Variants in CNTN6 observed in about 807,000 individuals in gnomAD.
CNTN6 encodes contactin-6.
Under a neutral mutation model 122.8 loss-of-function variants are expected in CNTN6, and 137 were observed. That is an observed-to-expected ratio of 1.12 (90% CI 0.97 to 1.29). The LOEUF (loss-of-function observed/expected upper bound fraction) is 1.29. Ranked by LOEUF, CNTN6 falls within the 50% of genes most tolerant of loss-of-function variation. The pLI, the probability that CNTN6 is intolerant of heterozygous loss-of-function variation, is 0.00. For missense variants in CNTN6, 1,634 were observed against 1,223.4 expected (o/e 1.34, Z -5.01); for synonymous variants, 570 against 426.0 (o/e 1.34, Z -4.16).
At chr3:1,201,563 A>T (rs2093873318) in intron 2 of CNTN6, among the ~76,000 whole-genome samples, 1 of 152,194 alleles carries the variant, frequency 6.6e-6, no homozygotes. Context: ...ATTCGATTAG[A>T]TAAAATTAGC....
chr3:1,319,456 G>C lies in CNTN6; in HGVS notation c.762-2194G>C, dbSNP rs535125446. Reference sequence around the variant, plus strand: ...CTGCATAATATATGCATATAAGGTAGCTATTTGTTGTAATATTATTACAAT... The same window carrying C: ...CTGCATAATATATGCATATAAGGTACCTATTTGTTGTAATATTATTACAAT... On this transcript the variant is annotated intron_variant, in intron 7 of 22. Coordinates refer to ENST00000446702, the MANE Select transcript of CNTN6 (RefSeq NM_001289080.2). Among the ~76,000 whole-genome samples the C allele has an allele frequency of 8.8e-4, 133 of 151,632 alleles. 1 individual carries two copies. Among genetic ancestry groups the C allele is most frequent in the African/African-American group, 3.1e-3 (127 of 41,434 alleles).
At chr3:1,121,196 T>G (rs2091935797) in intron 1 of CNTN6, among the ~76,000 whole-genome samples, 1 of 151,948 alleles carries the variant, frequency 6.6e-6, no homozygotes. Flanking sequence ...TGTAAATATT[T>G]CTTGAGAGGT....
chr3:1,395,267 C>T (rs2126242119), intron 20 of CNTN6, among the ~76,000 whole-genome samples: 1 of 152,270 alleles, frequency 6.6e-6, no homozygotes. Flanking sequence ...TGGCCTTAAA[C>T]TCAGTGTTTT....
intron 4 of CNTN6, among the ~76,000 whole-genome samples, chr3:1,240,816 T>G (rs948390190): frequency 5.9e-5 from 9 of 151,752 alleles, no homozygotes; most frequent in Non-Finnish European, 1.2e-4. Context: ...ATGGGTGAAA[T>G]AAACCCATGC....
At chr3:1,224,013 G>T (rs1010997755) in intron 3 of CNTN6, among the ~76,000 whole-genome samples, 1 of 152,182 alleles carries the variant, frequency 6.6e-6, no homozygotes, top group African/African-American at 2.4e-5. Flanking sequence ...GAACGTCAAA[G>T]CTAGGACTAG....
At chr3:1,352,281 G>T in intron 11 of CNTN6, 43 bp from the exon 12 acceptor site, 1 of 1,447,124 alleles carries the variant, frequency 6.9e-7, no homozygotes, top group Non-Finnish European at 9.2e-7. Flanking sequence ...ATTTACCAGT[G>T]TTGAAGAGCC....
intron 20 of CNTN6, chr3:1,401,182 T>G (rs1469539929): frequency 1.3e-5 from 5 of 384,050 alleles, no homozygotes; most frequent in South Asian, 5.8e-5. Flanking sequence ...CAATGATTAA[T>G]AAATTAATAC....
chr3:1,377,893 C>T lies in CNTN6; in HGVS notation c.2166+818C>T, dbSNP rs185825583. 1.5e-3 allele frequency among the ~76,000 whole-genome samples: 227 copies of T among 152,246 alleles called. 1 individual carries two copies. Among genetic ancestry groups the T allele is most frequent in the African/African-American group, 5.0e-3 (209 of 41,552 alleles). On this transcript the variant is annotated intron_variant, in intron 17 of 22. Transcript: ENST00000446702. ...GTGTGCTCTAGTTATGGCAAATTATCAGACGCTGCCATTTCATAGGGTAGG... is the reference window on the plus strand; with the variant it reads ...GTGTGCTCTAGTTATGGCAAATTATTAGACGCTGCCATTTCATAGGGTAGG...
intron 5 of CNTN6, among the ~76,000 whole-genome samples, chr3:1,287,954 C>A (rs1022544027): frequency 6.6e-6 from 1 of 151,802 alleles, no homozygotes; most frequent in Non-Finnish European, 1.5e-5. Flanking sequence ...GCCACTGTTA[C>A]TTATTCCTCT....
chr3:1,273,035 T>G (rs2095051669), intron 4 of CNTN6, among the ~76,000 whole-genome samples: 1 of 152,200 alleles, frequency 6.6e-6, no homozygotes, highest in South Asian at 2.1e-4. Context: ...CCTGCTGGCC[T>G]TTGGAACAGA....
rs776227608 is a variant in CNTN6 at position 1,402,504 on chromosome 3, T to G, written c.2986+18T>G. 14 of 1,597,538 alleles carry G rather than the reference T, an allele frequency of 8.8e-6. No individual in the cohort carries two copies. The South Asian group carries it at 1.6e-4, about 18-fold the overall frequency. On this transcript the variant is annotated intron_variant, in intron 22 of 22. Coordinates refer to ENST00000446702, the MANE Select transcript of CNTN6 (RefSeq NM_001289080.2). Reference sequence around the variant, plus strand: ...AATGTCAAGTAAGTTGAGTCACCATTGCTGTAGTAGATTCTGAACCTAGAC... The same window carrying G: ...AATGTCAAGTAAGTTGAGTCACCATGGCTGTAGTAGATTCTGAACCTAGAC...
intron 7 of CNTN6, among the ~76,000 whole-genome samples, chr3:1,307,400 T>C (rs1698533883): frequency 6.6e-6 from 1 of 152,196 alleles, no homozygotes. Context: ...ATACATTTTT[T>C]AACTAATGGA....
chr3:1,323,563 C>G (rs980734056), intron 8 of CNTN6, among the ~76,000 whole-genome samples: 1 of 151,668 alleles, frequency 6.6e-6, no homozygotes, highest in African/African-American at 2.4e-5. Flanking sequence ...CTGAGAAATT[C>G]AAGAAAAGAA....
chr3:1,270,837 T>C (rs2095012436), intron 4 of CNTN6, among the ~76,000 whole-genome samples: 1 of 152,200 alleles, frequency 6.6e-6, no homozygotes, highest in African/African-American at 2.4e-5. Flanking sequence ...GGCAGTATGG[T>C]CTGGTGGTTA....
chr3:1,152,212 C>G (rs980364436), intron 2 of CNTN6, among the ~76,000 whole-genome samples: 1 of 151,938 alleles, frequency 6.6e-6, no homozygotes, highest in Admixed American at 6.6e-5. Context: ...GATATCAGCT[C>G]ACTGCAACCT....
At chr3:1,186,262 T>C (rs928227886) in intron 2 of CNTN6, among the ~76,000 whole-genome samples, 4 of 152,182 alleles carry the variant, frequency 2.6e-5, no homozygotes, top group African/African-American at 9.7e-5. Flanking sequence ...TTACTTATCA[T>C]TGGAAAAGAG....
chr3:1,157,323 T>A (rs1248706090), intron 2 of CNTN6, among the ~76,000 whole-genome samples: 2 of 152,100 alleles, frequency 1.3e-5, no homozygotes, highest in Non-Finnish European at 2.9e-5. Context: ...GTTCAAGCGT[T>A]TCTCCTGCCT....
At chr3:1,198,701 A>C (rs757211147) in intron 2 of CNTN6, among the ~76,000 whole-genome samples, 1 of 149,056 alleles carries the variant, frequency 6.7e-6, no homozygotes, top group Admixed American at 6.7e-5. Flanking sequence ...CAGCCTGGGC[A>C]ACAAGAACGA....
intron 4 of CNTN6, among the ~76,000 whole-genome samples, chr3:1,275,960 A>G (rs570261887): frequency 6.6e-6 from 1 of 152,358 alleles, no homozygotes; most frequent in African/African-American, 2.4e-5. Flanking sequence ...TAGATAGCTC[A>G]TGGATAATAC....
Sources: gnomAD v4.1 joint callset for allele counts (sites outside exome capture counted in the v4.1 genomes callset) on GRCh38, gnomAD v4.1.1 for gene constraint, MANE v1.5 for transcripts, NCBI Gene and HGNC (gene_info 2026-07-23, HGNC 2026-07-21) for gene names.